The following BICD1 variants were observed in gnomAD, a reference collection of about 807,000 sequenced individuals.
The protein encoded by BICD1 is BICD cargo adaptor 1.
BICD1 carries 35 observed loss-of-function variants against 92.5 expected under a neutral mutation model. That is an observed-to-expected ratio of 0.38 (90% CI 0.29 to 0.50). The LOEUF is 0.50. Among genes scored for constraint, BICD1 ranks in the 20% least tolerant of loss-of-function variants. BICD1 has a pLI of 0.93. For synonymous variants in BICD1, 429 were observed against 465.1 expected (o/e 0.92, Z 1.00); for missense variants, 950 against 1,189.8 (o/e 0.80, Z 2.97).
chr12:32,334,965 T>A (rs908230453), intron 6 of BICD1, among the ~76,000 whole-genome samples: 13 of 152,000 alleles, frequency 8.6e-5, no homozygotes, highest in Admixed American at 6.6e-4. Context: ...AGAGTCTCCC[T>A]CCAAATAAAA....
chr12:32,236,103 A>G (rs1946064719), intron 2 of BICD1, among the ~76,000 whole-genome samples: 1 of 151,648 alleles, frequency 6.6e-6, no homozygotes, highest in African/African-American at 2.4e-5. Context: ...TCCATATAAC[A>G]CTTAATTGAG....
At chr12:32,200,600 C>T (rs896170069) in intron 1 of BICD1, among the ~76,000 whole-genome samples, 2 of 152,114 alleles carry the variant, frequency 1.3e-5, no homozygotes, top group Non-Finnish European at 1.5e-5. Context: ...TACTTAGAAG[C>T]TGAGAGGTTA....
chr12:32,192,453 A>AATAAATAG lies in BICD1; in HGVS notation c.214-23791_214-23790insAATAGATA, dbSNP rs150682949. Among the ~76,000 whole-genome samples the AATAAATAG allele has an allele frequency of 3.2e-3, 480 of 149,162 alleles. 1 individual carries two copies. Among genetic ancestry groups the AATAAATAG allele is most frequent in the East Asian group, 0.026 (134 of 5,068 alleles). On this transcript the variant is annotated intron_variant, in intron 1 of 9. Coordinates refer to ENST00000652176, the MANE Select transcript of BICD1 (RefSeq NM_001714.4). ...TGTTAAATAAATAAATAAATAAATAAATAGATAGATAGATAGATAGATAGA... is the reference window on the plus strand; with the variant it reads ...TGTTAAATAAATAAATAAATAAATAAATAAATAGATAGATAGATAGATAGATAGATAGA...
intron 2 of BICD1, among the ~76,000 whole-genome samples, chr12:32,226,522 G>A (rs763030571): frequency 6.6e-6 from 1 of 152,152 alleles, no homozygotes; most frequent in African/African-American, 2.4e-5. Flanking sequence ...TTCACACTTA[G>A]TCTGGGAAAA....
chr12:32,328,686 T>C lies in BICD1; in HGVS notation c.2100+131T>C. 1 of 1,238,980 alleles carries C rather than the reference T, an allele frequency of 8.1e-7. No homozygotes were observed. The highest frequency in any genetic ancestry group is 1.1e-6 in the Non-Finnish European group (1 of 906,640). The allele number at this position is 1,238,980 out of a possible 1,614,324, so 76.7% of individuals were successfully genotyped here. A position where few individuals can be genotyped will look rare whatever the true frequency, so the allele number is the denominator to read the frequency against. ...CTTGGTAAGTGGATAAATAAAACTGTCCCAGTGCCAGATCAGAATGTCATA... is the reference window on the plus strand; with the variant it reads ...CTTGGTAAGTGGATAAATAAAACTGCCCCAGTGCCAGATCAGAATGTCATA... On this transcript the variant is annotated intron_variant, in intron 5 of 9. Coordinates refer to ENST00000652176, the MANE Select transcript of BICD1 (RefSeq NM_001714.4). This position sits in a 1 kb window ranked among gnomAD's most constrained non-coding sequence, Gnocchi z 4.4.
At chr12:32,144,287 G>A (rs1348776096) in intron 1 of BICD1, among the ~76,000 whole-genome samples, 1 of 152,132 alleles carries the variant, frequency 6.6e-6, no homozygotes, top group Admixed American at 6.5e-5. Context: ...ATCTACAGTA[G>A]TTGAATTGCA....
chr12:32,244,833 TG>T, intron 2 of BICD1, among the ~76,000 whole-genome samples: 1 of 152,308 alleles, frequency 6.6e-6, no homozygotes, highest in Middle Eastern at 3.4e-3. Flanking sequence ...TTCACCATGT[TG>T]GCCAGTATGA....
intron 9 of BICD1, among the ~76,000 whole-genome samples, chr12:32,368,918 T>C (rs1418358729): frequency 6.6e-6 from 1 of 151,974 alleles, no homozygotes; most frequent in Non-Finnish European, 1.5e-5. Context: ...TGTCTCTAGA[T>C]AAATAGATAG....
At chr12:32,139,965 C>G (rs1942855285) in intron 1 of BICD1, among the ~76,000 whole-genome samples, 1 of 152,204 alleles carries the variant, frequency 6.6e-6, no homozygotes, top group Non-Finnish European at 1.5e-5. Context: ...AGCAGCAGAA[C>G]CATCTGTCCG....
intron 8 of BICD1, among the ~76,000 whole-genome samples, chr12:32,348,217 T>G (rs1326887379): frequency 6.6e-6 from 1 of 152,170 alleles, no homozygotes; most frequent in Non-Finnish European, 1.5e-5. Flanking sequence ...GTATGCAAAA[T>G]AAGCTATGAT....
chr12:32,114,497 T>C (rs1187078263), intron 1 of BICD1, among the ~76,000 whole-genome samples: 1 of 152,064 alleles, frequency 6.6e-6, no homozygotes, highest in African/African-American at 2.4e-5. Context: ...TCCTCATGCC[T>C]CAGCCCCCAA....
At chr12:32,248,660 T>C (rs577595272) in intron 2 of BICD1, among the ~76,000 whole-genome samples, 1 of 152,282 alleles carries the variant, frequency 6.6e-6, no homozygotes, top group Admixed American at 6.5e-5. Context: ...ACTGGGAAGC[T>C]GGGGAGCCCA....
chr12:32,337,720 C>G lies in BICD1; in HGVS notation c.2474C>G (p.Ala825Gly). ...GGCAGCCCTAAAGTAAGTGGGGAGG[C>G]ATCAGTCACCGTGCCCACCATAGAC... Reference protein sequence around the residue: ...KIGSPKVSGEASVTVPTIDTY... With the variant: ...KIGSPKVSGEGSVTVPTIDTY... Residue 825 changes from alanine (A) to glycine (G), a missense_variant, in exon 7 of 10, where the codon GCA becomes GGA. Ala to Gly is a moderately conservative substitution (Grantham distance 60). Transcript: ENST00000652176. The surrounding 1 kb of genome is among the most constrained non-coding windows in gnomAD (Gnocchi z 4.7). 6.2e-7 allele frequency: 1 copy of G among 1,614,158 alleles called. No homozygotes were observed.
chr12:32,169,340 T>C (rs886148455), intron 1 of BICD1, among the ~76,000 whole-genome samples: 6 of 152,232 alleles, frequency 3.9e-5, no homozygotes, highest in African/African-American at 1.4e-4. Context: ...GGCTTTTGAA[T>C]TCTGCCACAG....
At chr12:32,346,635 C>CGT (rs1491440180) in intron 8 of BICD1, among the ~76,000 whole-genome samples, 4 of 25,146 alleles carry the variant, frequency 1.6e-4, no homozygotes, top group African/African-American at 3.4e-4. Context: ...TATATATATA[C>CGT]GTGTATATAT....
chr12:32,236,978 C>T (rs1946092162), intron 2 of BICD1, among the ~76,000 whole-genome samples: 1 of 150,798 alleles, frequency 6.6e-6, no homozygotes, highest in African/African-American at 2.5e-5. Flanking sequence ...GGGTTCACGC[C>T]ATTCTCCTGC....
intron 1 of BICD1, among the ~76,000 whole-genome samples, chr12:32,188,880 A>G (rs1944490800): frequency 6.6e-6 from 1 of 151,992 alleles, no homozygotes; most frequent in Non-Finnish European, 1.5e-5. Context: ...GGCGCCCACT[A>G]CCATGCCTGG....
At chr12:32,283,621 G>T (rs1947479027) in intron 2 of BICD1, among the ~76,000 whole-genome samples, 2 of 152,222 alleles carry the variant, frequency 1.3e-5, no homozygotes, top group South Asian at 4.1e-4. Flanking sequence ...GCAAATTGGG[G>T]ATCAAAGGAT....
intron 1 of BICD1, among the ~76,000 whole-genome samples, chr12:32,163,797 G>T (rs1943669695): frequency 6.6e-6 from 1 of 152,090 alleles, no homozygotes; most frequent in Non-Finnish European, 1.5e-5. Flanking sequence ...AGACTGATAT[G>T]AGTCAGTGGC....
Sources: gnomAD v4.1 joint callset for allele counts (sites outside exome capture counted in the v4.1 genomes callset) on GRCh38, gnomAD v4.1.1 for gene constraint, Gnocchi (gnomAD v3.1) non-coding constraint, MANE v1.5 for transcripts, NCBI Gene and HGNC (gene_info 2026-07-23, HGNC 2026-07-21) for gene names.